IQGAP3: variants seen among roughly 807,000 people sequenced by gnomAD.
IQGAP3 encodes the protein IQ motif containing GTPase activating protein 3, also known as ras GTPase-activating-like protein IQGAP3.
Under a neutral mutation model 208.2 loss-of-function variants are expected in IQGAP3, and 165 were observed. The observed-to-expected ratio is 0.79, with a 90% CI of 0.70 to 0.90. The LOEUF is 0.90. IQGAP3 is among the 40% of genes least tolerant of loss of function. The pLI is 0.00. For missense variants in IQGAP3, 1,811 were observed against 2,043.1 expected (o/e 0.89, Z 2.19); for synonymous variants, 703 against 803.6 (o/e 0.87, Z 2.12).
intron 3 of IQGAP3, 31 bp from the exon 4 acceptor site, chr1:156,566,135 CCA>C: frequency 6.3e-7 from 1 of 1,586,942 alleles, no homozygotes; most frequent in Non-Finnish European, 8.7e-7. Context: ...AAATCTATTT[CCA>C]CAGTTCTCAG....
In IQGAP3 at chr1:156,531,186, G is replaced by A. The variant is rs1160961023; in HGVS notation, c.4165C>T (p.Leu1389=). The A allele has an allele frequency of 3.7e-6, 6 of 1,613,858 alleles. No individual in the cohort carries two copies. Among genetic ancestry groups the A allele is most frequent in the Non-Finnish European group, 5.1e-6 (6 of 1,179,796 alleles). The part of the protein sequence containing the change: ...FHPGDTLKEI[L]SLSASREQEA... ...TGCTCTCTGGAAGCCGAGAGGGACA[G>A]GATCTCCTTGAGGGTGTCCCCAGGA... Residue 1389 remains leucine, a synonymous_variant, in exon 33 of 38, where the codon CTG becomes TTG. Transcript: ENST00000361170.
chr1:156,557,802 G>A (rs1437391162), intron 11 of IQGAP3, among the ~76,000 whole-genome samples: 660 of 4,032 alleles, frequency 0.16, 112 homozygotes, highest in African/African-American at 0.21. Flanking sequence ...GAGGGAGGTG[G>A]GGGGATCAGC....
Position 156,537,318 on chromosome 1 carries a change from A to T in IQGAP3, c.3285T>A (p.His1095Gln). 1 of 1,612,108 alleles carries T rather than the reference A, an allele frequency of 6.2e-7. No homozygotes were observed. The highest frequency in any genetic ancestry group is 1.3e-5 in the African/African-American group (1 of 74,912). The change falls in exon 27 of 38, where the codon CAT becomes CAA. Residue 1095 changes from histidine to glutamine, a missense_variant. His to Gln is a conservative substitution (Grantham distance 24). Transcript: ENST00000361170. ...GCTCCGGGGTGACATCATATGGGAG[A>T]TGGCTATGAGCAGAGAGAGACAAGG... ...QTEAQTGQRS[H>Q]LPYDVTPEQA...
intron 5 of IQGAP3, 55 bp from the exon 6 acceptor site, chr1:156,563,879 C>T (rs1571362709): frequency 6.8e-7 from 1 of 1,469,356 alleles, no homozygotes; most frequent in African/African-American, 1.4e-5. Context: ...TTTTGACACT[C>T]TGCCCACGAT....
chr1:156,528,551 T>C lies in IQGAP3; in HGVS notation c.4631A>G (p.Glu1544Gly). 1 of 1,614,094 alleles carries C rather than the reference T, an allele frequency of 6.2e-7. No homozygotes were observed. Among genetic ancestry groups the C allele is most frequent in the Non-Finnish European group, 8.5e-7 (1 of 1,179,982 alleles). The change falls in exon 36 of 38, where the codon GAA becomes GGA. Residue 1544 changes from glutamate (E) to glycine (G), a missense_variant. By Grantham distance (98) the Glu-to-Gly change is moderately conservative (BLOSUM62 -2). Coordinates refer to ENST00000361170, the MANE Select transcript of IQGAP3 (RefSeq NM_178229.5). ...TTCAATTTCCACCAAGACACCCTTT[T>C]CCAGGAGCTGAGCAGCAGTGTAATG... ...SLHYTAAQLL[E>G]KGVLVEIEDL...
chr1:156,539,705 T>A, intron 24 of IQGAP3, 133 bp downstream of exon 24: 1 of 1,234,528 alleles, frequency 8.1e-7, no homozygotes, highest in Non-Finnish European at 1.2e-6. Flanking sequence ...GTAGTCTCCT[T>A]TCCTGGGGAT....
chr1:156,534,010 C>T lies in IQGAP3; in HGVS notation c.3872G>A (p.Arg1291Lys), dbSNP rs139750477. 1.2e-6 allele frequency: 2 copies of T among 1,613,602 alleles called. No individual in the cohort carries two copies. The highest frequency in any genetic ancestry group is 3.3e-5 in the Admixed American group (2 of 60,012). The stretch of plus-strand genomic sequence containing the variant: ...ACCCTCCAGATCTCAGCCCCTCACC[C>T]TGTGCGTGTTGACCAGCTCCCCCAC... ...ITVGELVNTH[R>K]LLLEHQDCIA... The change falls in exon 30 of 38, where the codon AGG (arginine) becomes AAG (lysine). Residue 1291 changes from arginine to lysine, a missense_variant and splice_region_variant. Transcript: ENST00000361170.
chr1:156,528,107 GGCTACAGC>G, intron 36 of IQGAP3, 47 bp from the exon 37 acceptor site: 2 of 1,416,560 alleles, frequency 1.4e-6, no homozygotes, highest in Non-Finnish European at 2.0e-6. Context: ...CTCTTTCCAG[GGCTACAGC>G]CACATTCTTG....
At chr1:156,553,580 C>CTTTTTT (rs11316423) in intron 13 of IQGAP3, among the ~76,000 whole-genome samples, 2 of 88,038 alleles carry the variant, frequency 2.3e-5, no homozygotes, top group African/African-American at 3.7e-5. Context: ...TTCTTTCTTT[C>CTTTTTT]TTTTTTTTTT....
intron 3 of IQGAP3, 33 bp downstream of exon 3, chr1:156,566,357 A>T (rs1304903807): frequency 6.2e-7 from 1 of 1,607,714 alleles, no homozygotes; most frequent in African/African-American, 1.3e-5. Flanking sequence ...GTTTGAGGGG[A>T]CGAAGGTAGA....
intron 34 of IQGAP3, among the ~76,000 whole-genome samples, chr1:156,529,570 A>G (rs900982125): frequency 2.6e-5 from 4 of 152,054 alleles, no homozygotes; most frequent in African/African-American, 9.7e-5. Context: ...AGATTACTTG[A>G]GGTCAGGAGT....
chr1:156,540,798 C>G lies in IQGAP3; in HGVS notation c.2649G>C (p.Arg883Ser), dbSNP rs1411139400. 4 of 1,614,068 alleles carry G rather than the reference C, an allele frequency of 2.5e-6. No homozygotes were observed. Among genetic ancestry groups the G allele is most frequent in the Non-Finnish European group, 3.4e-6 (4 of 1,180,028 alleles). ...CCAGCTGCTGATTGGATCGGATCTT[C>G]CTAACTACCTCTTCCTGGAGCTTCA... ...ELLKLQEEVV[R>S]KIRSNQQLEQ... The change falls in exon 23 of 38, where the codon AGG becomes AGC. Residue 883 changes from arginine to serine, a missense_variant. Physicochemically the swap from Arg to Ser is moderately radical, Grantham distance 110. Transcript: ENST00000361170.
At chr1:156,539,286 C>T in intron 25 of IQGAP3, 88 bp downstream of exon 25, 1 of 1,265,820 alleles carries the variant, frequency 7.9e-7, no homozygotes, top group South Asian at 1.4e-5. Flanking sequence ...TACCCTTAGG[C>T]CTCAACAAGT....
chr1:156,566,313 C>A, intron 3 of IQGAP3, 77 bp downstream of exon 3: 3 of 1,444,878 alleles, frequency 2.1e-6, no homozygotes, highest in South Asian at 2.5e-5. Flanking sequence ...GTTATATGGT[C>A]ACTCTACCCT....
At position 156,530,171 on chromosome 1, in the gene IQGAP3, T is replaced by C; in HGVS notation, c.4338A>G (p.Arg1446=). 2 of 1,611,514 alleles carry C rather than the reference T, an allele frequency of 1.2e-6. No individual in the cohort carries two copies. The highest frequency in any genetic ancestry group is 8.5e-7 in the Non-Finnish European group (1 of 1,179,180). Residue 1446 remains arginine, a synonymous_variant, in exon 34 of 38, where the codon CGA becomes CGG. Coordinates refer to ENST00000361170, the MANE Select transcript of IQGAP3 (RefSeq NM_178229.5). ...KQRRVLRNLR[R]LEALGLVSAR... ...CGCTGACCAACCCCAGGGCTTCAAG[T>C]CGGCGTAGGTTCCGCAGGACGCGCC... is the stretch of plus-strand genomic sequence containing the variant.
rs1407301215 is a variant in IQGAP3, at chr1:156,551,619, T to C, written c.1734+86A>G. The C allele has an allele frequency of 8.7e-6, 12 of 1,374,278 alleles. No individual in the cohort carries two copies. The Admixed American group carries it at 9.6e-5, about 11-fold the overall frequency. 85.1% of individuals were successfully genotyped at this position (1,374,278 alleles called of 1,614,324 possible). On this transcript the variant is annotated intron_variant, in intron 15 of 37. Transcript: ENST00000361170. ...CCAGAAGCCATTGTGTCCATCAGAA[T>C]AGAGCTCTGCCAGACTGGGTACAGT...
intron 4 of IQGAP3, among the ~76,000 whole-genome samples, chr1:156,565,818 A>T (rs1448344081): frequency 1.3e-5 from 2 of 152,036 alleles, no homozygotes; most frequent in East Asian, 1.9e-4. Context: ...GGGAAACTTC[A>T]CCTCCTTTCA....
chr1:156,541,991 G>A (rs1675009601), intron 22 of IQGAP3, among the ~76,000 whole-genome samples: 1 of 152,166 alleles, frequency 6.6e-6, no homozygotes, highest in Non-Finnish European at 1.5e-5. Flanking sequence ...AGTGCAGAAG[G>A]TGTAGGTGGT....
In IQGAP3 at chr1:156,560,937, C is replaced by T. The variant is rs1557943003; in HGVS notation, c.1126G>A (p.Ala376Thr). The T allele has an allele frequency of 1.9e-6, 3 of 1,612,188 alleles. No homozygotes were observed. Among genetic ancestry groups the T allele is most frequent in the African/African-American group, 2.7e-5 (2 of 74,992 alleles). The change falls in exon 11 of 38, where the codon GCC (alanine) becomes ACC (threonine). Residue 376 changes from alanine (A) to threonine (T), a missense_variant. Physicochemically the swap from Ala to Thr is moderately conservative, Grantham distance 58. Coordinates refer to ENST00000361170, the MANE Select transcript of IQGAP3 (RefSeq NM_178229.5). ...AANTKGDQEQ[A>T]MLHAVQRINK... ...CTCAGACCTGCAGATGACTTACTGG[C>T]TTGTTCCTGATCACCCTTTGTGTTG...
Sources: gnomAD v4.1 joint callset for allele counts (sites outside exome capture counted in the v4.1 genomes callset) on GRCh38, gnomAD v4.1.1 for gene constraint, MANE v1.5 for transcripts, NCBI Gene and HGNC (gene_info 2026-07-23, HGNC 2026-07-21) for gene names.